ERC2: variants seen among roughly 807,000 people sequenced by gnomAD.
ERC2 encodes ERC protein 2.
ERC2 carries 42 observed loss-of-function variants against 114.8 expected under a neutral mutation model. The ratio of observed to expected loss-of-function variants is 0.37; its 90% CI spans 0.29 to 0.47. ERC2 has a LOEUF of 0.47. Ranked by LOEUF, ERC2 falls within the 20% of genes least tolerant of loss-of-function variation. ERC2 has a pLI of 0.99. For missense variants in ERC2, 939 were observed against 1,150.7 expected, an observed-to-expected ratio of 0.82 and a Z score of 2.66; for synonymous variants, 454 against 425.5, an observed-to-expected ratio of 1.07 and a Z score of -0.82.
At chr3:56,247,437 A>T (rs2051790843) in intron 3 of ERC2, among the ~76,000 whole-genome samples, 1 of 152,200 alleles carries the variant, frequency 6.6e-6, no homozygotes, top group African/African-American at 2.4e-5. Context: ...CTTGAAAGTA[A>T]TTTGTGCTCT....
intron 14 of ERC2, among the ~76,000 whole-genome samples, chr3:55,877,845 T>G (rs2149297885): frequency 6.6e-6 from 1 of 152,188 alleles, no homozygotes; most frequent in South Asian, 2.1e-4. Context: ...CTCGGCTCCT[T>G]AGTGTTTCTT....
intron 6 of ERC2, among the ~76,000 whole-genome samples, chr3:56,084,571 T>G (rs779546532): frequency 3.9e-5 from 6 of 152,112 alleles, no homozygotes; most frequent in Non-Finnish European, 8.8e-5. Flanking sequence ...GAACTTCACT[T>G]AGGCCATCAT....
At chr3:56,326,101 C>G (rs1443215238) in intron 2 of ERC2, among the ~76,000 whole-genome samples, 2 of 152,194 alleles carry the variant, frequency 1.3e-5, no homozygotes, top group Non-Finnish European at 2.9e-5. Context: ...CCTGGCCTGG[C>G]TGGGCCATCA....
intron 15 of ERC2, among the ~76,000 whole-genome samples, chr3:55,715,622 G>T (rs185453575): frequency 1.1e-4 from 17 of 152,172 alleles, no homozygotes; most frequent in East Asian, 7.7e-4. Context: ...ACAAAAAAAG[G>T]TATGCTGTGG....
intron 12 of ERC2, among the ~76,000 whole-genome samples, chr3:55,974,586 C>T (rs2069433147): frequency 6.6e-6 from 1 of 152,178 alleles, no homozygotes; most frequent in South Asian, 2.1e-4. Flanking sequence ...TTGGCTGCTT[C>T]CCCAGAATTC....
chr3:56,357,568 C>A (rs1448855344), intron 2 of ERC2, among the ~76,000 whole-genome samples: 1 of 151,908 alleles, frequency 6.6e-6, no homozygotes, highest in Non-Finnish European at 1.5e-5. Context: ...CCATGTGTGT[C>A]CACAGGAGAA....
chr3:55,575,882 C>A (rs755785728), intron 17 of ERC2, among the ~76,000 whole-genome samples: 21 of 152,188 alleles, frequency 1.4e-4, no homozygotes, highest in Non-Finnish European at 2.8e-4. Context: ...GAATCCTCAC[C>A]TTTATAAACA....
chr3:55,743,593 C>CAAAAAA (rs367859231), intron 14 of ERC2, among the ~76,000 whole-genome samples: 11 of 97,134 alleles, frequency 1.1e-4, no homozygotes, highest in Admixed American at 2.5e-4. Flanking sequence ...CCTGATCCAC[C>CAAAAAA]AAAAAAAAAA....
intron 3 of ERC2, among the ~76,000 whole-genome samples, chr3:56,293,955 G>T (rs1188956056): frequency 2.0e-5 from 3 of 152,226 alleles, no homozygotes; most frequent in Non-Finnish European, 4.4e-5. Flanking sequence ...TCCCAACAAG[G>T]AGTGAGAAAT....
chr3:55,658,436 G>C (rs2148701525), intron 17 of ERC2: 1 of 152,320 alleles, frequency 6.6e-6, no homozygotes, highest in South Asian at 2.1e-4. Flanking sequence ...AGCTCCCTCT[G>C]AGTGACCAAG....
chr3:55,807,435 C>T (rs1467299681), intron 14 of ERC2, among the ~76,000 whole-genome samples: 1 of 152,120 alleles, frequency 6.6e-6, no homozygotes, highest in African/African-American at 2.4e-5. Flanking sequence ...TTCAACCATG[C>T]TAGGGCAGGG....
rs544946188 is a variant in ERC2, at chr3:56,446,679, GCACTGGCACAATCTCGGCT to G, written c.-140-11551_-140-11533del. 2.6e-3 allele frequency among the ~76,000 whole-genome samples: 376 copies of G among 147,328 alleles called. 3 individuals carry two copies. Among genetic ancestry groups the G allele is most frequent in the African/African-American group, 9.2e-3 (362 of 39,250 alleles). ...CTCCCTCTGACTCCCAGACTGGAGGGCACTGGCACAATCTCGGCTCACTGCACCCTCCAACTCCCAGGTT... is the reference window on the plus strand; with the variant it reads ...CTCCCTCTGACTCCCAGACTGGAGGGCACTGCACCCTCCAACTCCCAGGTT... On this transcript the variant is annotated intron_variant, in intron 1 of 17. Coordinates refer to ENST00000288221, the MANE Select transcript of ERC2 (RefSeq NM_015576.3).
chr3:55,714,237 T>A (rs1419169426), intron 15 of ERC2, among the ~76,000 whole-genome samples: 1 of 152,200 alleles, frequency 6.6e-6, no homozygotes, highest in Non-Finnish European at 1.5e-5. Context: ...GGATTTTAAG[T>A]TGGCATAAAC....
chr3:56,006,102 C>T (rs1318999862), intron 10 of ERC2, among the ~76,000 whole-genome samples: 1 of 151,910 alleles, frequency 6.6e-6, no homozygotes, highest in African/African-American at 2.4e-5. Flanking sequence ...AGGATTTGAT[C>T]GGTGTATTTA....
At chr3:55,543,657 A>C (rs1240697346) in intron 17 of ERC2, among the ~76,000 whole-genome samples, 1 of 152,232 alleles carries the variant, frequency 6.6e-6, no homozygotes, top group Non-Finnish European at 1.5e-5. Flanking sequence ...AAGCTAAATC[A>C]AGAGAACGGG....
In ERC2 at chr3:56,417,325, G is replaced by A. The variant is rs116064012; in HGVS notation, c.657+17026C>T. ...GAATTTATCGTTTCCATCTCATGCC[G>A]TGGGACATATTTCAATGTAGCATAC... On this transcript the variant is annotated intron_variant, in intron 2 of 17. Coordinates refer to ENST00000288221, the MANE Select transcript of ERC2 (RefSeq NM_015576.3). Among the ~76,000 whole-genome samples the A allele has an allele frequency of 5.5e-3, 837 of 152,160 alleles. 8 individuals are homozygous for A. The highest frequency in any genetic ancestry group is 0.019 in the African/African-American group (793 of 41,492).
At chr3:56,437,308 T>C (rs1559502172) in intron 1 of ERC2, among the ~76,000 whole-genome samples, 1 of 152,240 alleles carries the variant, frequency 6.6e-6, no homozygotes, top group Non-Finnish European at 1.5e-5. Flanking sequence ...TCAGCAGAAC[T>C]GCCTAGCCAA....
intron 17 of ERC2, among the ~76,000 whole-genome samples, chr3:55,562,368 G>T (rs1175319045): frequency 6.6e-6 from 1 of 151,638 alleles, no homozygotes; most frequent in Non-Finnish European, 1.5e-5. Context: ...GGCCAGGCTG[G>T]TCTCAAACCC....
At chr3:56,072,098 T>A (rs1466877472) in intron 7 of ERC2, 1 of 152,814 alleles carries the variant, frequency 6.5e-6, no homozygotes, top group Admixed American at 6.5e-5. Context: ...GAAGACACAC[T>A]GTATTGGATG....
Sources: gnomAD v4.1 joint callset for allele counts (sites outside exome capture counted in the v4.1 genomes callset) on GRCh38, gnomAD v4.1.1 for gene constraint, MANE v1.5 for transcripts, NCBI Gene and HGNC (gene_info 2026-07-23, HGNC 2026-07-21) for gene names.